Variants in HDAC4 observed in about 807,000 individuals in gnomAD.
The protein encoded by HDAC4 is histone deacetylase 4.
HDAC4 carries 16 observed loss-of-function variants against 135.1 expected under a neutral mutation model. The observed-to-expected ratio is 0.12, with a 90% confidence interval of 0.08 to 0.18. The LOEUF (loss-of-function observed/expected upper bound fraction) is 0.18, where lower values mean the gene tolerates loss of function less well. HDAC4 is among the 10% of genes least tolerant of loss of function. HDAC4 has a pLI of 1.00. For missense variants in HDAC4, 1,143 were observed against 1,511.8 expected, an observed-to-expected ratio of 0.76 and a Z score of 4.05; for synonymous variants, 685 against 653.4, an observed-to-expected ratio of 1.05 and a Z score of -0.74.
chr2:239,346,546 AACACACCTTCACACACACACACAC>A (rs141859885), intron 2 of HDAC4, among the ~76,000 whole-genome samples: 37,986 of 142,436 alleles, frequency 0.27, 5,467 homozygotes, highest in Non-Finnish European at 0.35. Context: ...AAAACACACA[AACACACCTTCACACACACACACAC>A]ACACACAGAC....
intron 4 of HDAC4, chr2:239,186,339 ATCTG>A (rs1399497668): frequency 1.3e-5 from 2 of 152,270 alleles, no homozygotes; most frequent in Admixed American, 6.5e-5. Flanking sequence ...TGTTCAAGAA[ATCTG>A]TCTGACAAAC....
intron 2 of HDAC4, among the ~76,000 whole-genome samples, chr2:239,333,996 C>T (rs1396061813): frequency 1.3e-5 from 2 of 152,106 alleles, no homozygotes; most frequent in Non-Finnish European, 2.9e-5. Context: ...GCAAGAAAGA[C>T]ATAAAAGTTT....
intron 1 of HDAC4, among the ~76,000 whole-genome samples, chr2:239,378,032 G>C (rs1019998409): frequency 1.3e-5 from 2 of 152,134 alleles, no homozygotes; most frequent in African/African-American, 4.8e-5. Flanking sequence ...GAGACGTCGC[G>C]TCCTGAGGCA....
At chr2:239,090,708 T>C (rs1221984373) in intron 17 of HDAC4, among the ~76,000 whole-genome samples, 1 of 151,698 alleles carries the variant, frequency 6.6e-6, no homozygotes, top group Non-Finnish European at 1.5e-5. Context: ...GGAAATGCAC[T>C]CTGGAGCATT....
chr2:239,306,421 G>A lies in HDAC4; in HGVS notation c.22+46257C>T, dbSNP rs934104327. Among the ~76,000 whole-genome samples, 4 of 152,154 alleles carry A rather than the reference G, an allele frequency of 2.6e-5. No homozygotes were observed. Among genetic ancestry groups the A allele is most frequent in the Admixed American group, 6.5e-5 (1 of 15,278 alleles). On this transcript the variant is annotated intron_variant, in intron 2 of 26. Coordinates refer to ENST00000543185, the MANE Select transcript of HDAC4 (RefSeq NM_001378414.1). This position sits in a 1 kb window ranked among gnomAD's most constrained non-coding sequence, Gnocchi z 4.5. ...ACCTGGCCAGGCCCCATCCACGGAT[G>A]TGTCCCTGCCCAGGTGCCAGCAAGG...
chr2:239,176,959 G>C (rs748964414), intron 4 of HDAC4, among the ~76,000 whole-genome samples: 3 of 152,138 alleles, frequency 2.0e-5, no homozygotes, highest in African/African-American at 7.2e-5. Context: ...CATCTGCCCC[G>C]AGACCCAGCA....
At chr2:239,187,480 C>T (rs1038017340) in intron 4 of HDAC4, among the ~76,000 whole-genome samples, 8 of 152,354 alleles carry the variant, frequency 5.3e-5, no homozygotes, top group African/African-American at 1.7e-4. Flanking sequence ...GGGCAGGCTG[C>T]AGGGATTGCC....
At chr2:239,315,012 A>C (rs993760373) in intron 2 of HDAC4, among the ~76,000 whole-genome samples, 2 of 152,166 alleles carry the variant, frequency 1.3e-5, no homozygotes, top group African/African-American at 4.8e-5. Flanking sequence ...TTCTCTCTGA[A>C]GCCTGCTACC....
chr2:239,362,626 C>A (rs958960726), intron 1 of HDAC4, among the ~76,000 whole-genome samples: 60 of 152,246 alleles, frequency 3.9e-4, no homozygotes, highest in South Asian at 4.2e-4. Context: ...ACGGAACGGC[C>A]AGTGCTAGTG....
intron 2 of HDAC4, among the ~76,000 whole-genome samples, chr2:239,332,013 C>G (rs1172260824): frequency 6.6e-6 from 1 of 152,138 alleles, no homozygotes; most frequent in African/African-American, 2.4e-5. Flanking sequence ...TTCACAGTAA[C>G]AAAAAGGCAG....
intron 2 of HDAC4, among the ~76,000 whole-genome samples, chr2:239,288,332 T>C (rs1464221296): frequency 1.3e-5 from 2 of 152,246 alleles, no homozygotes; most frequent in African/African-American, 4.8e-5. Flanking sequence ...TAAAATAACC[T>C]ATGTCAAACA....
At chr2:239,328,671 G>A (rs1437915722) in intron 2 of HDAC4, among the ~76,000 whole-genome samples, 2 of 152,326 alleles carry the variant, frequency 1.3e-5, no homozygotes, top group African/African-American at 2.4e-5. Flanking sequence ...CTCCCCCAGC[G>A]AGCACAGCAC....
chr2:239,370,741 G>A (rs547464258), intron 1 of HDAC4, among the ~76,000 whole-genome samples: 5 of 152,376 alleles, frequency 3.3e-5, no homozygotes, highest in African/African-American at 1.2e-4. Flanking sequence ...GAGCAGAGGA[G>A]CTGGTTGAGC....
chr2:239,228,910 G>A (rs1013323555), intron 3 of HDAC4, among the ~76,000 whole-genome samples: 8 of 152,182 alleles, frequency 5.3e-5, no homozygotes, highest in Non-Finnish European at 1.0e-4. Context: ...GGGAGGCTGA[G>A]GTAGGCAGAT....
At chr2:239,126,822 GC>G in intron 11 of HDAC4, 128 bp from the exon 12 acceptor site, 1 of 1,020,510 alleles carries the variant, frequency 9.8e-7, no homozygotes, top group Non-Finnish European at 1.5e-6. Flanking sequence ...CTGCCCTGGT[GC>G]CCCAGAGCTG....
At chr2:239,293,504 G>A (rs2051659933) in intron 2 of HDAC4, among the ~76,000 whole-genome samples, 1 of 152,224 alleles carries the variant, frequency 6.6e-6, no homozygotes, top group Non-Finnish European at 1.5e-5. Flanking sequence ...GAGCAGCAAA[G>A]GAGCGTGGGA....
At chr2:239,138,471 A>G (rs1255154434) in intron 9 of HDAC4, among the ~76,000 whole-genome samples, 1 of 152,254 alleles carries the variant, frequency 6.6e-6, no homozygotes, top group Non-Finnish European at 1.5e-5. Flanking sequence ...CAATAACTAT[A>G]TTTAATAAAT....
intron 12 of HDAC4, among the ~76,000 whole-genome samples, chr2:239,126,157 G>T (rs2152849901): frequency 6.6e-6 from 1 of 152,350 alleles, no homozygotes; most frequent in South Asian, 2.1e-4. Flanking sequence ...CACATGGGCT[G>T]GTGGGAGAGG....
At chr2:239,128,056 C>G (rs570928410) in intron 11 of HDAC4, among the ~76,000 whole-genome samples, 2 of 152,368 alleles carry the variant, frequency 1.3e-5, no homozygotes, top group African/African-American at 4.8e-5. Context: ...CTGCTCTTCA[C>G]TACCTTTTCA....
Sources: allele counts gnomAD v4.1 joint callset (sites outside exome capture counted in the v4.1 genomes callset), GRCh38; gene constraint gnomAD v4.1.1; non-coding constraint Gnocchi (gnomAD v3.1); transcripts MANE v1.5; gene names NCBI Gene and HGNC (gene_info 2026-07-23, HGNC 2026-07-21).